Variants in SUGCT observed in about 807,000 individuals in gnomAD.
SUGCT encodes succinyl-CoA:glutarate-CoA transferase, also known as succinyl-CoA:glutarate CoA-transferase.
Under a neutral mutation model 55.0 loss-of-function variants are expected in SUGCT, and 41 were observed. The ratio of observed to expected loss-of-function variants is 0.74; its 90% CI spans 0.58 to 0.97. The LOEUF is 0.97. SUGCT is among the 50% of genes least tolerant of loss of function. The pLI is 0.00. For missense variants in SUGCT, 568 were observed against 547.8 expected, an observed-to-expected ratio of 1.04 and a Z score of -0.37; for synonymous variants, 187 against 200.4, an observed-to-expected ratio of 0.93 and a Z score of 0.56.
chr7:40,162,387 T>C (rs1426360269), intron 1 of SUGCT, among the ~76,000 whole-genome samples: 1 of 152,188 alleles, frequency 6.6e-6, no homozygotes, highest in Non-Finnish European at 1.5e-5. Context: ...AAGGCTTACT[T>C]ACAGGTTGAT....
intron 12 of SUGCT, among the ~76,000 whole-genome samples, chr7:40,680,148 G>A (rs945831191): frequency 6.6e-6 from 1 of 152,106 alleles, no homozygotes; most frequent in African/African-American, 2.4e-5. Context: ...AGAATAGGGA[G>A]GAAGGATTTA....
At chr7:40,978,179 C>G in the SUGCT span, among the ~76,000 whole-genome samples, 9,851 of 152,206 alleles carry the variant, frequency 0.065, 460 homozygotes, top group South Asian at 0.21. Context: ...GGTCCTCAGC[C>G]CTCACTTGCA....
At chr7:40,212,076 G>T (rs571888890) in intron 6 of SUGCT, among the ~76,000 whole-genome samples, 1 of 152,002 alleles carries the variant, frequency 6.6e-6, no homozygotes, top group South Asian at 2.1e-4. Context: ...TCTGTAAAGT[G>T]CCAGAGAGTA....
chr7:40,428,007 G>A (rs951403604), intron 9 of SUGCT, among the ~76,000 whole-genome samples: 11 of 152,078 alleles, frequency 7.2e-5, no homozygotes, highest in Non-Finnish European at 7.4e-5. Flanking sequence ...ATGGGTTATT[G>A]AAATCTAGTA....
chr7:40,151,804 A>G (rs548183893), intron 1 of SUGCT: 2 of 152,580 alleles, frequency 1.3e-5, no homozygotes, highest in Non-Finnish European at 2.9e-5. Context: ...AGCCAGCTGT[A>G]CAAGAGACTG....
intron 6 of SUGCT, among the ~76,000 whole-genome samples, chr7:40,215,816 C>G (rs1009508425): frequency 6.6e-6 from 1 of 151,092 alleles, no homozygotes; most frequent in East Asian, 2.0e-4. Context: ...GAGCCGAGAT[C>G]GCGCCACTGC....
intron 12 of SUGCT, among the ~76,000 whole-genome samples, chr7:40,692,400 C>G (rs1476707080): frequency 1.3e-5 from 2 of 152,146 alleles, no homozygotes; most frequent in African/African-American, 2.4e-5. Context: ...AATGAAGAAG[C>G]TACTTCAGGT....
chr7:40,918,963 G>A, the SUGCT span, among the ~76,000 whole-genome samples: 1 of 152,168 alleles, frequency 6.6e-6, no homozygotes, highest in Non-Finnish European at 1.5e-5. Flanking sequence ...AAGTGGTGAT[G>A]AGAGAAAAGT....
chr7:40,541,746 T>C (rs1383268412), intron 12 of SUGCT, among the ~76,000 whole-genome samples: 1 of 152,168 alleles, frequency 6.6e-6, no homozygotes, highest in African/African-American at 2.4e-5. Context: ...GGAATGTAAA[T>C]ATAACAGAGG....
chr7:40,530,704 T>C (rs1371225072), intron 12 of SUGCT, among the ~76,000 whole-genome samples: 1 of 152,250 alleles, frequency 6.6e-6, no homozygotes, highest in African/African-American at 2.4e-5. Context: ...ATGACACAAA[T>C]GAAGTCACAT....
At chr7:40,768,981 G>A (rs1314435026) in intron 13 of SUGCT, among the ~76,000 whole-genome samples, 1 of 152,184 alleles carries the variant, frequency 6.6e-6, no homozygotes, top group African/African-American at 2.4e-5. Context: ...CTTGACTACA[G>A]TGGTGAATGT....
At chr7:40,307,577 A>C (rs1206039848) in intron 8 of SUGCT, among the ~76,000 whole-genome samples, 1 of 152,220 alleles carries the variant, frequency 6.6e-6, no homozygotes, top group African/African-American at 2.4e-5. Context: ...AAATGGGGTC[A>C]TCATAGTACC....
At chr7:40,539,352 T>C (rs899228212) in intron 12 of SUGCT, 1 of 152,016 alleles carries the variant, frequency 6.6e-6, no homozygotes, top group Non-Finnish European at 1.5e-5. Context: ...AAAAGAGCAA[T>C]AGGAAAATCT....
chr7:40,744,728 C>G (rs1787643297), intron 12 of SUGCT, among the ~76,000 whole-genome samples: 1 of 152,180 alleles, frequency 6.6e-6, no homozygotes, highest in Non-Finnish European at 1.5e-5. Context: ...TAACCCAATG[C>G]CTGACCCTTA....
chr7:40,706,857 G>C (rs1785438972), intron 12 of SUGCT, among the ~76,000 whole-genome samples: 2 of 152,160 alleles, frequency 1.3e-5, no homozygotes, highest in South Asian at 4.1e-4. Context: ...TATATAATCT[G>C]GCTGCCTCCT....
the SUGCT span, among the ~76,000 whole-genome samples, chr7:40,941,282 A>G: frequency 6.6e-6 from 1 of 151,828 alleles, no homozygotes; most frequent in Admixed American, 6.6e-5. Flanking sequence ...TTATGTTGCT[A>G]TTTTTCATTT....
intron 13 of SUGCT, among the ~76,000 whole-genome samples, chr7:40,756,765 A>G (rs904591443): frequency 1.3e-5 from 2 of 152,174 alleles, no homozygotes; most frequent in East Asian, 3.9e-4. Flanking sequence ...GAGATAAGTT[A>G]TTTCTTCCAG....
chr7:40,174,564 GA>G (rs1452870904), intron 1 of SUGCT, among the ~76,000 whole-genome samples: 2 of 152,218 alleles, frequency 1.3e-5, no homozygotes, highest in Non-Finnish European at 2.9e-5. Context: ...CTTGAGCCCA[GA>G]AGGTCGAGGT....
the SUGCT span, among the ~76,000 whole-genome samples, chr7:40,906,319 A>C: frequency 6.6e-6 from 1 of 152,150 alleles, no homozygotes; most frequent in Non-Finnish European, 1.5e-5. Flanking sequence ...CAAGGAGAAA[A>C]GCTTCATCCA....
Sources: gnomAD v4.1 joint callset for allele counts (sites outside exome capture counted in the v4.1 genomes callset) on GRCh38, gnomAD v4.1.1 for gene constraint, MANE v1.5 for transcripts, NCBI Gene and HGNC (gene_info 2026-07-23, HGNC 2026-07-21) for gene names.